The following GABRG3 variants were observed in gnomAD, a reference collection of about 807,000 sequenced individuals.
The protein encoded by GABRG3 is gamma-aminobutyric acid receptor subunit gamma-3.
A neutral mutation model predicts 48.8 loss-of-function variants in GABRG3; 25 were observed. The observed-to-expected ratio is 0.51, with a 90% CI of 0.37 to 0.72. GABRG3 has a LOEUF of 0.72. GABRG3 is among the 30% of genes least tolerant of loss of function. The pLI is 0.00. For missense variants in GABRG3, 394 were observed against 577.9 expected, an observed-to-expected ratio of 0.68 and a Z score of 3.26; for synonymous variants, 227 against 217.6, an observed-to-expected ratio of 1.04 and a Z score of -0.38.
intron 3 of GABRG3, among the ~76,000 whole-genome samples, chr15:27,238,773 A>C (rs1450029928): frequency 6.6e-6 from 1 of 152,248 alleles, no homozygotes; most frequent in African/African-American, 2.4e-5. Context: ...GACAAGGCAA[A>C]GTAAAGTTCC....
chr15:27,434,912 T>C (rs1420604847), intron 5 of GABRG3, among the ~76,000 whole-genome samples: 1 of 152,174 alleles, frequency 6.6e-6, no homozygotes, highest in Non-Finnish European at 1.5e-5. Flanking sequence ...CATCTATGCA[T>C]TTACTTCAGT....
chr15:26,990,720 G>C (rs1895231244), intron 2 of GABRG3, among the ~76,000 whole-genome samples: 1 of 151,852 alleles, frequency 6.6e-6, no homozygotes, highest in Non-Finnish European at 1.5e-5. Flanking sequence ...CAGTGTCCTA[G>C]AGAGTTTCCC....
In GABRG3 at chr15:27,053,060, C is replaced by A. The variant is rs1307671619; in HGVS notation, c.270+26239C>A. Among the ~76,000 whole-genome samples the A allele has an allele frequency of 2.0e-5, 3 of 152,134 alleles. No individual in the cohort carries two copies. The East Asian group carries it at 5.8e-4, about 29-fold the overall frequency. On this transcript the variant is annotated intron_variant, in intron 3 of 9. Transcript: ENST00000615808. ...TGTAAGACATCAAAATAACAAAATC[C>A]TAGAAGAAAACCTAGGAAATACCCT...
intron 3 of GABRG3, among the ~76,000 whole-genome samples, chr15:27,228,029 TAAATA>T (rs917277182): frequency 6.6e-5 from 10 of 152,208 alleles, no homozygotes; most frequent in African/African-American, 2.4e-4. Flanking sequence ...AAATGTAAAA[TAAATA>T]AAACATTTTA....
chr15:27,279,714 T>C (rs1891371873), intron 3 of GABRG3, among the ~76,000 whole-genome samples: 1 of 152,180 alleles, frequency 6.6e-6, no homozygotes, highest in African/African-American at 2.4e-5. Context: ...CTACTACTTA[T>C]TCTTCTCTTT....
At chr15:27,458,549 C>G (rs1263435894) in intron 5 of GABRG3, among the ~76,000 whole-genome samples, 2 of 152,182 alleles carry the variant, frequency 1.3e-5, no homozygotes, top group Non-Finnish European at 2.9e-5. Flanking sequence ...TGAGGAGATG[C>G]AAGCTCCATC....
At chr15:27,426,389 A>T (rs190641982) in intron 5 of GABRG3, among the ~76,000 whole-genome samples, 9 of 152,360 alleles carry the variant, frequency 5.9e-5, no homozygotes, top group African/African-American at 1.4e-4. Context: ...AACTTTGCAG[A>T]AGCCTGGTGT....
intron 5 of GABRG3, among the ~76,000 whole-genome samples, chr15:27,479,262 G>A (rs1020658217): frequency 2.6e-4 from 39 of 152,228 alleles, no homozygotes; most frequent in African/African-American, 9.2e-4. Context: ...GTAATTATGG[G>A]GATAGGAAGC....
Position 27,285,197 on chromosome 15 carries a change from T to C in GABRG3, c.271-41612T>C, listed in dbSNP as rs563143261. Among the ~76,000 whole-genome samples the C allele has an allele frequency of 4.8e-4, 73 of 152,108 alleles. 1 individual carries two copies. In the Middle Eastern group the frequency reaches 0.014, roughly 28 times the overall value. ...ACTGAAGTTTTTCTATAATATGTTT[T>C]GTATAATGTGGTAGCTGCAGTTTGC... is the stretch of plus-strand genomic sequence containing the variant. On this transcript the variant is annotated intron_variant, in intron 3 of 9. Transcript: ENST00000615808.
chr15:27,325,217 C>T (rs1002620951), intron 3 of GABRG3, among the ~76,000 whole-genome samples: 6 of 152,222 alleles, frequency 3.9e-5, no homozygotes, highest in Non-Finnish European at 5.9e-5. Flanking sequence ...CTTACACACA[C>T]ACCTTCACTG....
intron 3 of GABRG3, among the ~76,000 whole-genome samples, chr15:27,206,972 G>A (rs929125155): frequency 5.9e-5 from 9 of 152,140 alleles, no homozygotes; most frequent in Non-Finnish European, 1.2e-4. Context: ...CTTGAAGATA[G>A]CATACAATTG....
At chr15:27,122,914 G>A (rs1897755769) in intron 3 of GABRG3, among the ~76,000 whole-genome samples, 1 of 152,320 alleles carries the variant, frequency 6.6e-6, no homozygotes, top group Admixed American at 6.5e-5. Context: ...TGGAAAGCAA[G>A]CCGGGAAATT....
chr15:27,189,724 TTCTGCCTAATTGCCG>T (rs1888229985), intron 3 of GABRG3, among the ~76,000 whole-genome samples: 1 of 152,202 alleles, frequency 6.6e-6, no homozygotes, highest in African/African-American at 2.4e-5. Context: ...CTTTATTTCC[TTCTGCCTAATTGCCG>T]TGGCCAGAAG....
intron 3 of GABRG3, among the ~76,000 whole-genome samples, chr15:27,264,480 C>A (rs1890858880): frequency 6.6e-6 from 1 of 152,070 alleles, no homozygotes; most frequent in Non-Finnish European, 1.5e-5. Flanking sequence ...TTCCTCAAAA[C>A]CTATAGTCTA....
chr15:27,085,252 AT>A (rs1471390271), intron 3 of GABRG3, among the ~76,000 whole-genome samples: 1 of 151,970 alleles, frequency 6.6e-6, no homozygotes, highest in African/African-American at 2.4e-5. Context: ...GTTATTTGTA[AT>A]TTTTTGCATC....
intron 3 of GABRG3, among the ~76,000 whole-genome samples, chr15:27,090,360 T>C (rs1897163560): frequency 6.6e-6 from 1 of 152,224 alleles, no homozygotes; most frequent in African/African-American, 2.4e-5. Context: ...TATGGTGGGT[T>C]ATCCGTAGGT....
intron 3 of GABRG3, among the ~76,000 whole-genome samples, chr15:27,105,615 T>G (rs529907606): frequency 1.3e-5 from 2 of 152,216 alleles, no homozygotes; most frequent in Admixed American, 1.3e-4. Context: ...AGGATGGCGG[T>G]TATCAAAAAG....
intron 3 of GABRG3, among the ~76,000 whole-genome samples, chr15:27,062,448 A>AAAAAAAAAAAAAAAAAAAC (rs1896665268): frequency 7.3e-6 from 1 of 136,862 alleles, no homozygotes; most frequent in Non-Finnish European, 1.6e-5. Flanking sequence ...AAAAAAAAAA[A>AAAAAAAAAAAAAAAAAAAC]AAAAAAAAAA....
intron 5 of GABRG3, among the ~76,000 whole-genome samples, chr15:27,476,894 C>G (rs1225788777): frequency 6.6e-6 from 1 of 152,116 alleles, no homozygotes. Context: ...ATGTTAAAGA[C>G]AGAGAACATT....
Sources: gnomAD v4.1 joint callset for allele counts (sites outside exome capture counted in the v4.1 genomes callset) on GRCh38, gnomAD v4.1.1 for gene constraint, MANE v1.5 for transcripts, NCBI Gene and HGNC (gene_info 2026-07-23, HGNC 2026-07-21) for gene names.